The following SYT2 variants were observed in gnomAD, a reference collection of about 807,000 sequenced individuals.
SYT2 encodes the protein synaptotagmin 2, also known as synaptotagmin-2.
SYT2 carries 15 observed loss-of-function variants against 39.9 expected under a neutral mutation model. The observed-to-expected ratio is 0.38, with a 90% CI of 0.25 to 0.58. The LOEUF (loss-of-function observed/expected upper bound fraction) is 0.58, where lower values mean the gene tolerates loss of function less well. Among genes scored for constraint, SYT2 ranks in the 20% least tolerant of loss-of-function variants. SYT2 has a pLI of 0.70. For missense variants in SYT2, 389 were observed against 530.3 expected (o/e 0.73, Z 2.62); for synonymous variants, 181 against 204.5 (o/e 0.89, Z 0.98).
intron 1 of SYT2, among the ~76,000 whole-genome samples, chr1:202,679,008 C>T (rs1043721347): frequency 6.6e-6 from 1 of 152,192 alleles, no homozygotes. Flanking sequence ...CTCAAGGACA[C>T]TTCTGCCCCA....
intron 1 of SYT2, among the ~76,000 whole-genome samples, chr1:202,657,942 C>T (rs1157218934): frequency 6.6e-6 from 1 of 152,128 alleles, no homozygotes; most frequent in African/African-American, 2.4e-5. Flanking sequence ...AGGAAGTCAC[C>T]AGCCCCTTCC....
chr1:202,629,856 C>A (rs1691520828), intron 1 of SYT2, among the ~76,000 whole-genome samples: 1 of 69,410 alleles, frequency 1.4e-5, no homozygotes, highest in Admixed American at 2.0e-4. Context: ...CCATACCCAG[C>A]AGGCAGCTGG....
intron 1 of SYT2, among the ~76,000 whole-genome samples, chr1:202,655,263 G>A (rs1479202540): frequency 1.3e-5 from 2 of 152,212 alleles, no homozygotes; most frequent in African/African-American, 4.8e-5. Flanking sequence ...TCGGACAGCA[G>A]GAGATGCGAG....
chr1:202,705,643 G>A (rs1157447031), intron 1 of SYT2, among the ~76,000 whole-genome samples: 1 of 152,058 alleles, frequency 6.6e-6, no homozygotes, highest in Non-Finnish European at 1.5e-5. Context: ...TCAGCCAGCA[G>A]GGACTTTATC....
intron 1 of SYT2, among the ~76,000 whole-genome samples, chr1:202,670,057 C>A (rs1427298181): frequency 6.6e-6 from 1 of 152,142 alleles, no homozygotes; most frequent in Non-Finnish European, 1.5e-5. Context: ...TGCCAGCACT[C>A]GTGAGGAAGG....
chr1:202,688,170 C>G (rs1653721110), intron 1 of SYT2, among the ~76,000 whole-genome samples: 1 of 152,054 alleles, frequency 6.6e-6, no homozygotes, highest in African/African-American at 2.4e-5. Flanking sequence ...CTTTAACACT[C>G]TACTCTGCAA....
At chr1:202,634,284 G>A (rs1391446177) in intron 1 of SYT2, among the ~76,000 whole-genome samples, 3 of 152,196 alleles carry the variant, frequency 2.0e-5, no homozygotes, top group Non-Finnish European at 4.4e-5. Context: ...TTGGGAGGCC[G>A]AGGCGGGTGG....
chr1:202,603,067 C>G lies in SYT2; in HGVS notation c.397G>C (p.Glu133Gln). The G allele has an allele frequency of 2.5e-6, 4 of 1,614,148 alleles. No individual in the cohort carries two copies. Among genetic ancestry groups the G allele is most frequent in the Non-Finnish European group, 3.4e-6 (4 of 1,180,012 alleles). ...GLTEGEGEGEEEKEPENLGKL... is the reference protein window; with the variant it reads ...GLTEGEGEGEQEKEPENLGKL... ...CCCAGGTTCTCTGGCTCTTTCTCCT[C>G]CTCCCCTTCACCTTCCCCCTCAGTC... The change falls in exon 4 of 9, where the codon GAG (glutamate) becomes CAG (glutamine). Residue 133 changes from glutamate (E) to glutamine (Q), a missense_variant. Coordinates refer to ENST00000367268, the MANE Select transcript of SYT2 (RefSeq NM_177402.5).
At chr1:202,650,466 C>T (rs1338640788) in intron 1 of SYT2, among the ~76,000 whole-genome samples, 3 of 127,974 alleles carry the variant, frequency 2.3e-5, no homozygotes, top group Non-Finnish European at 3.2e-5. Context: ...GACATAGTTT[C>T]GCTCTGTCAC....
chr1:202,649,753 G>A (rs575926612), intron 1 of SYT2, among the ~76,000 whole-genome samples: 244 of 152,308 alleles, frequency 1.6e-3, no homozygotes, highest in African/African-American at 5.5e-3. Flanking sequence ...TGAAACTGGT[G>A]TTTGTCCCCA....
At chr1:202,609,228 T>C (rs1188598458) in intron 1 of SYT2, among the ~76,000 whole-genome samples, 1 of 152,012 alleles carries the variant, frequency 6.6e-6, no homozygotes, top group Non-Finnish European at 1.5e-5. Context: ...TATGGCTGCA[T>C]AGTATTCCAT....
At chr1:202,674,661 TCATC>T (rs1653300127) in intron 1 of SYT2, among the ~76,000 whole-genome samples, 2 of 152,134 alleles carry the variant, frequency 1.3e-5, no homozygotes, top group African/African-American at 2.4e-5. Context: ...GTAAACCAAA[TCATC>T]TCTCCTCAGC....
At chr1:202,652,007 G>A (rs1692203929) in intron 1 of SYT2, among the ~76,000 whole-genome samples, 1 of 152,214 alleles carries the variant, frequency 6.6e-6, no homozygotes, top group Admixed American at 6.5e-5. Context: ...GCAGTGAGCC[G>A]AGATCCCGCC....
chr1:202,617,899 G>A (rs903747638), intron 1 of SYT2, among the ~76,000 whole-genome samples: 4 of 152,114 alleles, frequency 2.6e-5, no homozygotes, highest in East Asian at 1.9e-4. Flanking sequence ...ACTTGTTTAC[G>A]CATTTTTTGT....
At position 202,605,587 on chromosome 1, in the gene SYT2, A is replaced by C; in HGVS notation, c.178+8T>G. 6.2e-7 allele frequency: 1 copy of C among 1,611,532 alleles called. No homozygotes were observed. The highest frequency in any genetic ancestry group is 1.1e-5 in the South Asian group (1 of 91,000). ...TGCCCCACCCTCTCAGCCACCAGAG[A>C]CACTCACAGGGAATCTTGTTTATCT... On this transcript the variant is annotated splice_region_variant and intron_variant, in intron 2 of 8. Coordinates refer to ENST00000367268, the MANE Select transcript of SYT2 (RefSeq NM_177402.5).
intron 1 of SYT2, among the ~76,000 whole-genome samples, chr1:202,701,015 G>T (rs1038858577): frequency 6.6e-6 from 1 of 152,172 alleles, no homozygotes; most frequent in African/African-American, 2.4e-5. Context: ...ATATTGGCTT[G>T]CCGAATTGTG....
chr1:202,618,863 G>A (rs1185931364), intron 1 of SYT2, among the ~76,000 whole-genome samples: 1 of 152,116 alleles, frequency 6.6e-6, no homozygotes, highest in African/African-American at 2.4e-5. Context: ...TGGCTCTGCT[G>A]TCCCTTCTAG....
rs1254084717 is a variant in SYT2, at chr1:202,591,209, C to A, written c.*5548G>T. 6.6e-6 allele frequency: 1 copy of A among 152,406 alleles called. No individual in the cohort carries two copies. The highest frequency in any genetic ancestry group is 2.4e-5 in the African/African-American group (1 of 41,470). The allele number at this position is 152,406 out of a possible 1,614,324, so 9.4% of individuals were successfully genotyped here. A position where few individuals can be genotyped will look rare whatever the true frequency, so the allele number is the denominator to read the frequency against. ...AGGTCCCTGGGACTTCTGTGTGCAA[C>A]TTCTGTTGTGGTTTGTGCAGGGCAA... On this transcript the variant is annotated 3_prime_UTR_variant, in exon 9 of 9. Coordinates refer to ENST00000367268, the MANE Select transcript of SYT2 (RefSeq NM_177402.5).
intron 1 of SYT2, chr1:202,627,416 C>T (rs1485641381): frequency 2.0e-6 from 2 of 984,696 alleles, no homozygotes; most frequent in African/African-American, 1.7e-5. Context: ...ATCAAGCTCC[C>T]TGCTAAAGGA....
Sources: allele counts gnomAD v4.1 joint callset (sites outside exome capture counted in the v4.1 genomes callset), GRCh38; gene constraint gnomAD v4.1.1; transcripts MANE v1.5; gene names NCBI Gene and HGNC (gene_info 2026-07-23, HGNC 2026-07-21).